The following TMED6 variants were observed in gnomAD, a reference collection of about 807,000 sequenced individuals.
TMED6 encodes transmembrane p24 trafficking protein 6.
Under a neutral mutation model 26.5 loss-of-function variants are expected in TMED6, and 17 were observed. The observed-to-expected ratio is 0.64, with a 90% CI of 0.44 to 0.96. TMED6 has a LOEUF of 0.96. Among genes scored for constraint, TMED6 ranks in the 40% least tolerant of loss-of-function variants. The pLI is 0.00. For missense variants in TMED6, 309 were observed against 296.5 expected, an observed-to-expected ratio of 1.04 and a Z score of -0.31; for synonymous variants, 107 against 106.2, an observed-to-expected ratio of 1.01 and a Z score of -0.04.
intron 1 of TMED6, 109 bp from the exon 2 acceptor site, chr16:69,349,760 G>T: frequency 7.1e-7 from 1 of 1,417,662 alleles, no homozygotes. Context: ...TCTCTGTCTG[G>T]GGTGGGACTG....
intron 2 of TMED6, 37 bp from the exon 3 acceptor site, chr16:69,347,973 C>A (rs2012713236): frequency 6.2e-7 from 1 of 1,608,764 alleles, no homozygotes; most frequent in Non-Finnish European, 8.5e-7. Flanking sequence ...AGTCTTTGGT[C>A]TCCTCCCCTT....
chr16:69,347,586 C>A lies in TMED6; in HGVS notation c.489+202G>T, dbSNP rs142680585. ...TGTTGGAAAGGCTGGTTTCGAACTC[C>A]TGACCTCAGGTGATCCACCCACCTC... is the stretch of plus-strand genomic sequence containing the variant. On this transcript the variant is annotated intron_variant, in intron 3 of 3. Coordinates refer to ENST00000288025, the MANE Select transcript of TMED6 (RefSeq NM_144676.4). 8.1e-3 allele frequency among the ~76,000 whole-genome samples: 1,234 copies of A among 152,282 alleles called. 8 individuals carry two copies. The highest frequency in any genetic ancestry group is 0.011 in the Non-Finnish European group (774 of 68,028).
Position 69,343,341 on chromosome 16 carries a change from A to G in TMED6, c.*66T>C. 2 of 1,396,482 alleles carry G rather than the reference A, an allele frequency of 1.4e-6. No homozygotes were observed. Among genetic ancestry groups the G allele is most frequent in the Non-Finnish European group, 2.0e-6 (2 of 1,016,908 alleles). 86.5% of individuals were successfully genotyped at this position (1,396,482 alleles called of 1,614,324 possible). On this transcript the variant is annotated 3_prime_UTR_variant, in exon 4 of 4. Transcript: ENST00000288025. ...ATGAGATAATTGATTTTTGTCCCAT[A>G]ACATTACAAAGCTGATTCGACTAAG...
chr16:69,349,679 G>C, intron 1 of TMED6, 28 bp from the exon 2 acceptor site: 2 of 1,606,084 alleles, frequency 1.2e-6, no homozygotes, highest in Non-Finnish European at 1.7e-6. Flanking sequence ...ATAGGTAGCA[G>C]AACCCCTGCT....
At position 69,345,678 on chromosome 16, in the gene TMED6, CAAAAAA is replaced by C. The variant is rs34468905; in HGVS notation, c.490-2044_490-2039del. 3.9e-4 allele frequency among the ~76,000 whole-genome samples: 17 copies of C among 43,426 alleles called. No homozygotes were observed. The South Asian group carries it at 1.0e-2, about 25-fold the overall frequency. 28.5% of individuals were successfully genotyped at this position (43,426 alleles called of 152,430 possible). On this transcript the variant is annotated intron_variant, in intron 3 of 3. Coordinates refer to ENST00000288025, the MANE Select transcript of TMED6 (RefSeq NM_144676.4). The stretch of plus-strand genomic sequence containing the variant: ...AGCCTGGACGACAGACTGACTCTCT[CAAAAAA>C]AAAAAAAAAAAAAAAAAAAAAAGTA...
At chr16:69,348,394 C>T (rs1162808492) in intron 2 of TMED6, 4 of 133,194 alleles carry the variant, frequency 3.0e-5, no homozygotes, top group South Asian at 2.3e-4. Flanking sequence ...GCCTCCAAGG[C>T]GGTGTGTACA....
intron 1 of TMED6, 29 bp downstream of exon 1, chr16:69,351,511 GC>G (rs1460133974): frequency 2.5e-6 from 4 of 1,581,036 alleles, no homozygotes; most frequent in Non-Finnish European, 3.4e-6. Context: ...AAAAAAAAAA[GC>G]CCCCCAGTAT....
intron 2 of TMED6, 180 bp from the exon 3 acceptor site, chr16:69,348,116 ATATTACT>A (rs938984395): frequency 3.4e-6 from 2 of 590,474 alleles, no homozygotes; most frequent in African/African-American, 1.9e-5. Context: ...CTTATACTAA[ATATTACT>A]TATTATATTT....
intron 2 of TMED6, 118 bp from the exon 3 acceptor site, chr16:69,348,054 G>C: frequency 1.9e-6 from 2 of 1,068,356 alleles, no homozygotes; most frequent in Non-Finnish European, 2.7e-6. Context: ...TTTTTACTTA[G>C]AAAGTACAAA....
At position 69,351,725 on chromosome 16, in the gene TMED6, A is replaced by G; in HGVS notation, c.29T>C (p.Leu10Pro). The stretch of plus-strand genomic sequence containing the variant: ...AGACGTCACTAGATTCAGAACGACC[A>G]GCCCAGCCCCAAAGAGCAAAGGGGA... The part of the protein sequence containing the change: MSPLLFGAG[L>P]VVLNLVTSAR... The change falls in exon 1 of 4, where the codon CTG becomes CCG. Residue 10 changes from leucine to proline, a missense_variant. Leu to Pro is a moderately conservative substitution (Grantham distance 98, BLOSUM62 -3). Transcript: ENST00000288025. The G allele has an allele frequency of 1.2e-6, 2 of 1,613,492 alleles. No homozygotes were observed. The highest frequency in any genetic ancestry group is 1.7e-6 in the Non-Finnish European group (2 of 1,180,002).
intron 1 of TMED6, 56 bp from the exon 2 acceptor site, chr16:69,349,707 G>A (rs962039249): frequency 1.3e-6 from 2 of 1,586,500 alleles, no homozygotes; most frequent in African/African-American, 1.3e-5. Flanking sequence ...GAGGAAGCCA[G>A]CTGAGTGGTA....
In TMED6 at chr16:69,351,723, C is replaced by T. The variant is rs2012780359; in HGVS notation, c.31G>A (p.Val11Ile). 2 of 1,613,404 alleles carry T rather than the reference C, an allele frequency of 1.2e-6. No homozygotes were observed. Among genetic ancestry groups the T allele is most frequent in the African/African-American group, 1.3e-5 (1 of 74,984 alleles). Residue 11 changes from valine to isoleucine, a missense_variant, in exon 1 of 4, where the codon GTC becomes ATC. Coordinates refer to ENST00000288025, the MANE Select transcript of TMED6 (RefSeq NM_144676.4). ...GCAGACGTCACTAGATTCAGAACGA[C>T]CAGCCCAGCCCCAAAGAGCAAAGGG... MSPLLFGAGL[V>I]VLNLVTSARS... is the part of the protein sequence containing the mutation.
At position 69,351,635 on chromosome 16, in the gene TMED6, TC is replaced by T. The variant is rs2012778025; in HGVS notation, c.118del (p.Asp40IlefsTer8). ...SGDQPLFRGA[D>X]RYDFAIMIPP... ...TATCATGATGGCAAAGTCATATCGA[TC>T]AGCTCCACGGAAGAGTGGCTGGTCC... On this transcript the variant is annotated frameshift_variant, in exon 1 of 4. Coordinates refer to ENST00000288025, the MANE Select transcript of TMED6 (RefSeq NM_144676.4). LOFTEE classifies it high-confidence loss of function. 1 of 1,613,888 alleles carries T rather than the reference TC, an allele frequency of 6.2e-7. No individual in the cohort carries two copies. Among genetic ancestry groups the T allele is most frequent in the Admixed American group, 1.7e-5 (1 of 59,954 alleles).
At chr16:69,351,493 TA>T in intron 1 of TMED6, 47 bp downstream of exon 1, 1 of 1,576,948 alleles carries the variant, frequency 6.3e-7, no homozygotes, top group Non-Finnish European at 8.6e-7. Flanking sequence ...ACTTTATGAG[TA>T]AAGGAGAAAA....
intron 2 of TMED6, chr16:69,348,461 C>A (rs913532535): frequency 6.1e-4 from 1 of 1,634 alleles, no homozygotes; most frequent in Non-Finnish European, 9.9e-4. Flanking sequence ...TTTGTGTGTG[C>A]GGGGGGGAGG....
At position 69,347,879 on chromosome 16, in the gene TMED6, TACA is replaced by T. The variant is rs1182979160; in HGVS notation, c.395_397del (p.Val132_Tyr133delinsAsp). On this transcript the variant is annotated inframe_deletion, in exon 3 of 4. Transcript: ENST00000288025. ...CTCATAGAAGACCCCAAAGTTGAGG[TACA>T]CTTGCACAGAACCGAAGTGATTATG... 1 of 1,614,182 alleles carries T rather than the reference TACA, an allele frequency of 6.2e-7. No individual in the cohort carries two copies. The highest frequency in any genetic ancestry group is 8.5e-7 in the Non-Finnish European group (1 of 1,180,028).
intron 3 of TMED6, among the ~76,000 whole-genome samples, chr16:69,345,509 C>T (rs990210104): frequency 6.6e-6 from 1 of 151,376 alleles, no homozygotes; most frequent in Admixed American, 6.6e-5. Context: ...TGGTGAAACC[C>T]CCGTCTCTAC....
rs188955135 is a variant in TMED6, at chr16:69,348,294, G to A, written c.341-358C>T. ...TGCCTGGTCCTTGTATACAATTAAA[G>A]CTAGGGACACCATCTTGAACTTGAA... On this transcript the variant is annotated intron_variant, in intron 2 of 3. Transcript: ENST00000288025. 1.8e-3 allele frequency: 310 copies of A among 176,028 alleles called. 2 individuals are homozygous for A. Among genetic ancestry groups the A allele is most frequent in the South Asian group, 6.0e-3 (41 of 6,786 alleles). 10.9% of individuals were successfully genotyped at this position (176,028 alleles called of 1,614,324 possible). A position where few individuals can be genotyped will look rare whatever the true frequency, so the allele number is the denominator to read the frequency against.
intron 2 of TMED6, 67 bp from the exon 3 acceptor site, chr16:69,348,003 G>A (rs2142682213): frequency 1.9e-6 from 3 of 1,545,680 alleles, no homozygotes; most frequent in East Asian, 4.5e-5. Context: ...TTCCCTGGAG[G>A]TATCTGTCCT....
Sources: gnomAD v4.1 joint callset for allele counts (sites outside exome capture counted in the v4.1 genomes callset) on GRCh38, gnomAD v4.1.1 for gene constraint, MANE v1.5 for transcripts, NCBI Gene and HGNC (gene_info 2026-07-23, HGNC 2026-07-21) for gene names.